DST: variants seen among roughly 807,000 people sequenced by gnomAD.
DST encodes the protein bullous pemphigoid antigen.
Under a neutral mutation model 875.2 loss-of-function variants are expected in DST, and 253 were observed. That is an observed-to-expected ratio of 0.29 (90% CI 0.26 to 0.32). DST has a LOEUF of 0.32. DST is among the 10% of genes least tolerant of loss of function. DST has a pLI of 1.00. For synonymous variants in DST, 3,124 were observed against 3,197.1 expected (o/e 0.98, Z 0.77); for missense variants, 8,287 against 9,111.6 (o/e 0.91, Z 3.68).
At chr6:56,843,340 C>T in intron 4 of DST, 3 of 1,209,300 alleles carry the variant, frequency 2.5e-6, no homozygotes, top group Non-Finnish European at 3.1e-6. Context: ...GCAAAGGAAA[C>T]GCCCAGGCCT....
intron 50 of DST, among the ~76,000 whole-genome samples, chr6:56,574,939 T>C (rs748311915): frequency 6.6e-6 from 1 of 152,288 alleles, no homozygotes; most frequent in Admixed American, 6.5e-5. Context: ...ATTTGGCCCA[T>C]GAAACATAAT....
intron 61 of DST, chr6:56,540,410 T>C (rs1024123977): frequency 3.3e-5 from 5 of 152,646 alleles, no homozygotes; most frequent in Admixed American, 1.3e-4. Context: ...TTCGCTCTCC[T>C]GGGCAGAAAG....
chr6:56,710,054 C>A (rs543589000), intron 5 of DST, among the ~76,000 whole-genome samples: 1 of 152,230 alleles, frequency 6.6e-6, no homozygotes, highest in South Asian at 2.1e-4. Flanking sequence ...AAGAAAACTA[C>A]GAATTTTAAA....
At chr6:56,550,086 T>C (rs567777428) in intron 61 of DST, among the ~76,000 whole-genome samples, 2 of 152,334 alleles carry the variant, frequency 1.3e-5, no homozygotes, top group African/African-American at 4.8e-5. Flanking sequence ...ATTGATTTGT[T>C]GATTATTGTA....
rs1377150411 is a variant in DST, at chr6:56,606,679, T to C, written c.7949A>G (p.Glu2650Gly). 1 of 1,613,666 alleles carries C rather than the reference T, an allele frequency of 6.2e-7. No homozygotes were observed. Among genetic ancestry groups the C allele is most frequent in the Non-Finnish European group, 8.5e-7 (1 of 1,179,666 alleles). Reference sequence around the variant, plus strand: ...AAAAACATCAGCAGGAGAAGCCGTCTCATCATTTTCCTCTTGCAGTGTGTC... The same window carrying C: ...AAAAACATCAGCAGGAGAAGCCGTCCCATCATTTTCCTCTTGCAGTGTGTC... The part of the protein sequence containing the change: ...DYDTLQEEND[E>G]TASPADVFYD... The change falls in exon 40 of 104, where the codon GAG becomes GGG. Residue 2650 changes from glutamate (E) to glycine (G), a missense_variant. Glu to Gly is a moderately conservative substitution (Grantham distance 98, BLOSUM62 -2). This residue lies in a region of DST where 3,138 missense variants were observed against 3,116.6 expected (regional missense o/e 1.01). Coordinates refer to ENST00000680361, the MANE Select transcript of DST (RefSeq NM_001374736.1).
In DST at chr6:56,642,766, TA is replaced by T. The variant is rs775912185; in HGVS notation, c.1779-264del. 5.2e-4 allele frequency: 843 copies of T among 1,614,072 alleles called. 1 individual carries two copies. The highest frequency in any genetic ancestry group is 6.5e-4 in the Non-Finnish European group (766 of 1,179,964). On this transcript the variant is annotated intron_variant, in intron 15 of 103. Coordinates refer to ENST00000680361, the MANE Select transcript of DST (RefSeq NM_001374736.1). ...ACTAAACACAGAATCACTGCTACGG[TA>T]ACTATAACTACTACTGTGCATTTTT...
At chr6:56,727,333 G>GCACAT (rs1347144610) in intron 5 of DST, among the ~76,000 whole-genome samples, 2 of 152,032 alleles carry the variant, frequency 1.3e-5, no homozygotes, top group African/African-American at 2.4e-5. Flanking sequence ...ACCACGTTGG[G>GCACAT]CACATTTCGT....
intron 2 of DST, among the ~76,000 whole-genome samples, chr6:56,904,174 C>T (rs2127699573): frequency 6.6e-6 from 1 of 152,178 alleles, no homozygotes; most frequent in South Asian, 2.1e-4. Context: ...GTCTTGAACA[C>T]AATAGTGTAT....
chr6:56,611,535 T>C lies in DST; in HGVS notation c.5120A>G (p.Gln1707Arg). 1 of 1,612,984 alleles carries C rather than the reference T, an allele frequency of 6.2e-7. No individual in the cohort carries two copies. Among genetic ancestry groups the C allele is most frequent in the South Asian group, 1.1e-5 (1 of 90,892 alleles). ...GTCTCCATGTTTTGCCAAAAAAAGCTGTATAGTTTGAAGTGCTTCCGATAA... is the reference window on the plus strand; with the variant it reads ...GTCTCCATGTTTTGCCAAAAAAAGCCGTATAGTTTGAAGTGCTTCCGATAA... ...EQLSEALQTI[Q>R]LFLAKHGDKM... Residue 1707 changes from glutamine (Q) to arginine (R), a missense_variant, in exon 38 of 104, where the codon CAG becomes CGG. Coordinates refer to ENST00000680361, the MANE Select transcript of DST (RefSeq NM_001374736.1).
rs767315802 is a variant in DST at position 56,605,793 on chromosome 6, A to G, written c.8835T>C (p.Asn2945=). 8 of 1,612,198 alleles carry G rather than the reference A, an allele frequency of 5.0e-6. No individual in the cohort carries two copies. Among genetic ancestry groups the G allele is most frequent in the Middle Eastern group, 1.6e-4 (1 of 6,072 alleles). Residue 2945 remains asparagine, a synonymous_variant, in exon 40 of 104, where the codon AAT becomes AAC. Coordinates refer to ENST00000680361, the MANE Select transcript of DST (RefSeq NM_001374736.1). ...TACCTAATTCAGAAGTTGAACTGATATTATTATTATCATGTGAAATACTTG... is the reference window on the plus strand; with the variant it reads ...TACCTAATTCAGAAGTTGAACTGATGTTATTATTATCATGTGAAATACTTG... ...GPASISHDNN[N]ISSTSELGTD...
chr6:56,692,986 TTGTTTGCCCCAAC>T, intron 9 of DST: 2 of 1,289,828 alleles, frequency 1.6e-6, no homozygotes, highest in Non-Finnish European at 2.0e-6. Flanking sequence ...TTCATTTTCA[TTGTTTGCCCCAAC>T]TGACTCTTTG....
chr6:56,535,225 T>C lies in DST; in HGVS notation c.16838A>G (p.Glu5613Gly). The change falls in exon 63 of 104, where the codon GAG becomes GGG. Residue 5613 changes from glutamate (E) to glycine (G), a missense_variant. Transcript: ENST00000680361. ...LHCGRFQDAL[E>G]SLLSWMVDTE... ...GTCCACCATCCAGCTGAGCAGGGACTCCAGGGCATCCTGGAACCTCCCACA... is the reference window on the plus strand; with the variant it reads ...GTCCACCATCCAGCTGAGCAGGGACCCCAGGGCATCCTGGAACCTCCCACA... 1 of 1,613,254 alleles carries C rather than the reference T, an allele frequency of 6.2e-7. No individual in the cohort carries two copies. Among genetic ancestry groups the C allele is most frequent in the Non-Finnish European group, 8.5e-7 (1 of 1,179,628 alleles).
chr6:56,662,273 TC>T (rs1266768912), intron 10 of DST, among the ~76,000 whole-genome samples: 22 of 152,166 alleles, frequency 1.4e-4, no homozygotes, highest in Admixed American at 1.4e-3. Flanking sequence ...ATACCCTTTG[TC>T]CCAGCAATTC....
intron 97 of DST, 144 bp from the exon 98 acceptor site, chr6:56,469,143 C>G (rs569603956): frequency 4.3e-6 from 2 of 461,484 alleles, no homozygotes; most frequent in African/African-American, 4.0e-5. Context: ...CCAGTTGTCC[C>G]AATTTCAAAC....
intron 4 of DST, among the ~76,000 whole-genome samples, chr6:56,762,293 G>A (rs368511110): frequency 5.3e-5 from 8 of 152,160 alleles, no homozygotes; most frequent in East Asian, 1.9e-4. Context: ...AAGTGCTGGC[G>A]TGCCCGACAA....
rs896140384 is a variant in DST, at chr6:56,616,205, T to C, written c.4930-1721A>G. On this transcript the variant is annotated intron_variant, in intron 36 of 103. Coordinates refer to ENST00000680361, the MANE Select transcript of DST (RefSeq NM_001374736.1). ...TTCTGTAAGTGTGATGAGGCCTTCC[T>C]GATACTTTTTGACCAAGGCTTTGTC... The C allele has an allele frequency of 1.9e-6, 3 of 1,614,088 alleles. No individual in the cohort carries two copies. The highest frequency in any genetic ancestry group is 2.5e-6 in the Non-Finnish European group (3 of 1,180,040).
chr6:56,750,034 T>G (rs1350823722), intron 4 of DST, among the ~76,000 whole-genome samples: 1 of 152,138 alleles, frequency 6.6e-6, no homozygotes, highest in East Asian at 1.9e-4. Flanking sequence ...CCCCTCTCCC[T>G]GCAGCCACAC....
At position 56,526,385 on chromosome 6, in the gene DST, A is replaced by C; in HGVS notation, c.18105T>G (p.Asp6035Glu). 1.2e-6 allele frequency: 2 copies of C among 1,613,808 alleles called. No homozygotes were observed. Among genetic ancestry groups the C allele is most frequent in the Non-Finnish European group, 1.7e-6 (2 of 1,179,800 alleles). The change falls in exon 69 of 104, where the codon GAT becomes GAG. Residue 6035 changes from aspartate to glutamate, a missense_variant. Physicochemically the swap from Asp to Glu is conservative, Grantham distance 45. Transcript: ENST00000680361. Reference sequence around the variant, plus strand: ...CCTGCTGTGATCGCAGAATGGCTGCATCGATCTCCTCCACCTTCTGAGTGA... The same window carrying C: ...CCTGCTGTGATCGCAGAATGGCTGCCTCGATCTCCTCCACCTTCTGAGTGA... ...DTITQKVEEI[D>E]AAILRSQQFD...
In DST at chr6:56,652,344, C is replaced by T. The variant is rs149327918; in HGVS notation, c.1215-1100G>A. On this transcript the variant is annotated intron_variant, in intron 10 of 103. Coordinates refer to ENST00000680361, the MANE Select transcript of DST (RefSeq NM_001374736.1). The stretch of plus-strand genomic sequence containing the variant: ...CAAAAACAAAGCATTGAAAGACTAC[C>T]GGAACAATGTGGAAACAGGAAAGCC... Among the ~76,000 whole-genome samples the T allele has an allele frequency of 6.4e-3, 980 of 152,218 alleles. 10 individuals are homozygous for T. Among genetic ancestry groups the T allele is most frequent in the African/African-American group, 0.022 (925 of 41,532 alleles).
Sources: allele counts gnomAD v4.1 joint callset (sites outside exome capture counted in the v4.1 genomes callset), GRCh38; gene constraint gnomAD v4.1.1; regional missense constraint gnomAD v4.1.1; transcripts MANE v1.5; gene names NCBI Gene and HGNC (gene_info 2026-07-23, HGNC 2026-07-21).